PLPP3: variants seen among roughly 807,000 people sequenced by gnomAD.
The protein encoded by PLPP3 is phospholipid phosphatase 3.
PLPP3 carries 6 observed loss-of-function variants against 29.6 expected under a neutral mutation model. The observed-to-expected ratio is 0.20, with a 90% confidence interval of 0.11 to 0.40. The LOEUF (loss-of-function observed/expected upper bound fraction) is 0.40, where lower values mean the gene tolerates loss of function less well. Among genes scored for constraint, PLPP3 ranks in the 10% least tolerant of loss-of-function variants. PLPP3 has a pLI of 1.00. For missense variants in PLPP3, 308 were observed against 407.7 expected (o/e 0.76, Z 2.11); for synonymous variants, 152 against 159.7 (o/e 0.95, Z 0.36).
rs116420215 is a variant in PLPP3, at chr1:56,514,593, C to T, written c.634-2441G>A. Among the ~76,000 whole-genome samples the T allele has an allele frequency of 2.2e-3, 330 of 152,298 alleles. 1 individual carries two copies. Among genetic ancestry groups the T allele is most frequent in the African/African-American group, 7.4e-3 (309 of 41,546 alleles). ...AAAAAAGATAGGTGAATGTTCTATA[C>T]TAAATCCTTATTTTTGTCAATTATC... is the stretch of plus-strand genomic sequence containing the variant. On this transcript the variant is annotated intron_variant, in intron 4 of 5. Coordinates refer to ENST00000371250, the MANE Select transcript of PLPP3 (RefSeq NM_003713.5).
chr1:56,578,791 G>GCGGCGCTGCGCGGCC, intron 1 of PLPP3, 87 bp downstream of exon 1: 1 of 1,262,124 alleles, frequency 7.9e-7, no homozygotes, highest in Non-Finnish European at 9.9e-7. Flanking sequence ...GCGGCGCGGC[G>GCGGCGCTGCGCGGCC]CGGCGCTGCG....
At chr1:56,542,138 A>G (rs1645974275) in intron 1 of PLPP3, among the ~76,000 whole-genome samples, 1 of 152,188 alleles carries the variant, frequency 6.6e-6, no homozygotes, top group Non-Finnish European at 1.5e-5. Context: ...CTTAATGGGC[A>G]TAAAATCAAA....
At position 56,524,421 on chromosome 1, in the gene PLPP3, G is replaced by A; in HGVS notation, c.431C>T (p.Thr144Ile). 1 of 1,614,132 alleles carries A rather than the reference G, an allele frequency of 6.2e-7. No homozygotes were observed. The highest frequency in any genetic ancestry group is 8.5e-7 in the Non-Finnish European group (1 of 1,179,970). Reference protein sequence around the residue: ...LFGCAISQSFTDIAKVSIGRL... With the variant: ...LFGCAISQSFIDIAKVSIGRL... ...CCCTATGGACACTTTGGCAATGTCT[G>A]TGAAAGACTGGCTGATGGCACAGCC... Residue 144 changes from threonine to isoleucine, a missense_variant, in exon 3 of 6, where the codon ACA (threonine) becomes ATA (isoleucine). Around this residue, in one of 3 missense-constraint regions of PLPP3, gnomAD observed 232 missense variants for 317.2 expected, o/e 0.73. Transcript: ENST00000371250. This position sits in a 1 kb window ranked among gnomAD's most constrained non-coding sequence, Gnocchi z 4.3.
At chr1:56,511,913 G>C in intron 5 of PLPP3, 63 bp downstream of exon 5, 1 of 1,590,438 alleles carries the variant, frequency 6.3e-7, no homozygotes. Flanking sequence ...CACTGAGCTG[G>C]AAACATTTAA....
Position 56,524,355 on chromosome 1 carries a change from A to C in PLPP3, c.497T>G (p.Phe166Cys). The change falls in exon 3 of 6, where the codon TTC becomes TGC. Residue 166 changes from phenylalanine to cysteine, a missense_variant. Around this residue, in one of 3 missense-constraint regions of PLPP3, gnomAD observed 232 missense variants for 317.2 expected, o/e 0.73. Coordinates refer to ENST00000371250, the MANE Select transcript of PLPP3 (RefSeq NM_003713.5). The surrounding 1 kb of genome is among the most constrained non-coding windows in gnomAD (Gnocchi z 4.3). ...GCCTTCAGAGCAGTTGATCTGGCTG[A>C]AATCAGGGTTGCAGACACTCAAGAA... ...PHFLSVCNPD[F>C]SQINCSEGYI... 6.2e-7 allele frequency: 1 copy of C among 1,614,070 alleles called. No individual in the cohort carries two copies. The highest frequency in any genetic ancestry group is 1.3e-5 in the African/African-American group (1 of 75,032).
At chr1:56,547,156 C>G (rs1646011346) in intron 1 of PLPP3, among the ~76,000 whole-genome samples, 1 of 152,088 alleles carries the variant, frequency 6.6e-6, no homozygotes, top group Non-Finnish European at 1.5e-5. Flanking sequence ...TTGAGGGCCC[C>G]CTCTGTCTAA....
chr1:56,511,318 T>TG (rs1221124848), intron 5 of PLPP3, among the ~76,000 whole-genome samples: 2 of 152,176 alleles, frequency 1.3e-5, no homozygotes, highest in Non-Finnish European at 2.9e-5. Flanking sequence ...CCCATTCATT[T>TG]GGGGCAAATC....
At chr1:56,551,144 C>A (rs1177422851) in intron 1 of PLPP3, among the ~76,000 whole-genome samples, 1 of 152,146 alleles carries the variant, frequency 6.6e-6, no homozygotes, top group African/African-American at 2.4e-5. Context: ...GGGAGGGAAG[C>A]ACTTACAGTA....
At chr1:56,501,007 C>CAAAAAAAAA (rs71048436) in intron 5 of PLPP3, among the ~76,000 whole-genome samples, 1 of 84,962 alleles carries the variant, frequency 1.2e-5, no homozygotes, top group Admixed American at 1.5e-4. Flanking sequence ...CTGTCTCAGA[C>CAAAAAAAAA]AAAAAAAAAA....
intron 5 of PLPP3, among the ~76,000 whole-genome samples, chr1:56,504,966 G>T (rs912270264): frequency 6.6e-6 from 1 of 152,060 alleles, no homozygotes; most frequent in Non-Finnish European, 1.5e-5. Flanking sequence ...ATTTTTGAAG[G>T]TTAATAGAAA....
At chr1:56,542,589 C>T (rs550070917) in intron 1 of PLPP3, among the ~76,000 whole-genome samples, 27 of 152,156 alleles carry the variant, frequency 1.8e-4, no homozygotes, top group African/African-American at 4.6e-4. Context: ...TTATAAAATA[C>T]GTGAAGTCCA....
At chr1:56,575,319 CT>C (rs560349861) in intron 1 of PLPP3, among the ~76,000 whole-genome samples, 2 of 152,096 alleles carry the variant, frequency 1.3e-5, no homozygotes, top group Non-Finnish European at 2.9e-5. Context: ...CATGCTGCCC[CT>C]CTCTCACTAT....
chr1:56,549,176 T>C (rs1335292798), intron 1 of PLPP3, among the ~76,000 whole-genome samples: 3 of 152,216 alleles, frequency 2.0e-5, no homozygotes, highest in Admixed American at 2.0e-4. Context: ...ACTAGGATTA[T>C]TGTAAAATGA....
chr1:56,564,459 A>C (rs1646148875), intron 1 of PLPP3, among the ~76,000 whole-genome samples: 1 of 152,232 alleles, frequency 6.6e-6, no homozygotes, highest in African/African-American at 2.4e-5. Context: ...TCAAACTCTC[A>C]GATGCAAACG....
At chr1:56,521,242 AAAAAAAAAAAAAAAG>A (rs1645817506) in intron 4 of PLPP3, among the ~76,000 whole-genome samples, 2 of 148,430 alleles carry the variant, frequency 1.3e-5, no homozygotes, top group Non-Finnish European at 3.0e-5. Context: ...CTCAAAAAAA[AAAAAAAAAAAAAAAG>A]AAGAAGAAGA....
intron 5 of PLPP3, among the ~76,000 whole-genome samples, chr1:56,496,936 C>T (rs1301513941): frequency 6.6e-6 from 1 of 152,172 alleles, no homozygotes; most frequent in Non-Finnish European, 1.5e-5. Flanking sequence ...ACTCTCAGTC[C>T]ATTGCCCATA....
Position 56,579,408 on chromosome 1 carries a change from G to C in PLPP3, c.-392C>G, listed in dbSNP as rs1173926568. 1.6e-5 allele frequency: 4 copies of C among 245,884 alleles called. No individual in the cohort carries two copies. Among genetic ancestry groups the C allele is most frequent in the African/African-American group, 9.5e-5 (4 of 42,174 alleles). 15.2% of individuals were successfully genotyped at this position (245,884 alleles called of 1,614,324 possible). On this transcript the variant is annotated 5_prime_UTR_variant, in exon 1 of 6. Transcript: ENST00000371250. ...CTTCCTCCGCAGCTGGTTCCTTAATGAATGGGAGCTGCGCTGAGCCCAGCA... is the reference window on the plus strand; with the variant it reads ...CTTCCTCCGCAGCTGGTTCCTTAATCAATGGGAGCTGCGCTGAGCCCAGCA...
At chr1:56,567,676 C>T (rs946725627) in intron 1 of PLPP3, among the ~76,000 whole-genome samples, 14 of 152,236 alleles carry the variant, frequency 9.2e-5, no homozygotes, top group Admixed American at 2.6e-4. Flanking sequence ...GGATTACAGG[C>T]GTGAGCCACA....
chr1:56,528,614 C>T (rs1645867738), intron 2 of PLPP3, among the ~76,000 whole-genome samples: 1 of 151,964 alleles, frequency 6.6e-6, no homozygotes, highest in Non-Finnish European at 1.5e-5. Context: ...ATGTCAATCG[C>T]CTGGCACCTA....
Sources: gnomAD v4.1 joint callset for allele counts (sites outside exome capture counted in the v4.1 genomes callset) on GRCh38, gnomAD v4.1.1 for gene constraint, gnomAD v4.1.1 regional missense constraint, Gnocchi (gnomAD v3.1) non-coding constraint, MANE v1.5 for transcripts, NCBI Gene and HGNC (gene_info 2026-07-23, HGNC 2026-07-21) for gene names.